Variants in CADPS observed in about 807,000 individuals in gnomAD.
CADPS encodes calcium dependent secretion activator, also known as calcium-dependent secretion activator 1.
CADPS carries 57 observed loss-of-function variants against 167.3 expected under a neutral mutation model. That is an observed-to-expected ratio of 0.34 (90% CI 0.28 to 0.42). The LOEUF is 0.42. Among genes scored for constraint, CADPS ranks in the 20% least tolerant of loss-of-function variants. The pLI, the probability that CADPS is intolerant of heterozygous loss-of-function variation, is 1.00. For missense variants in CADPS, 1,414 were observed against 1,738.1 expected, an observed-to-expected ratio of 0.81 and a Z score of 3.32; for synonymous variants, 676 against 635.3, an observed-to-expected ratio of 1.06 and a Z score of -0.96.
intron 1 of CADPS, among the ~76,000 whole-genome samples, chr3:62,770,743 C>CAAAGT (rs2088440268): frequency 3.3e-5 from 5 of 152,156 alleles, no homozygotes; most frequent in Non-Finnish European, 5.9e-5. Context: ...GAGATTCTCA[C>CAAAGT]AAACTAAACT....
At chr3:62,407,722 A>G (rs760404731) in intron 28 of CADPS, among the ~76,000 whole-genome samples, 21 of 152,022 alleles carry the variant, frequency 1.4e-4, no homozygotes, top group South Asian at 4.1e-4. Context: ...CATCATGGAT[A>G]TACTTTCTTT....
intron 18 of CADPS, among the ~76,000 whole-genome samples, chr3:62,495,191 G>A (rs914031809): frequency 1.3e-5 from 2 of 152,166 alleles, no homozygotes; most frequent in African/African-American, 4.8e-5. Flanking sequence ...TAGGGATCTA[G>A]TGAACCAAGA....
chr3:62,508,590 G>A (rs950736554), intron 17 of CADPS, among the ~76,000 whole-genome samples: 1 of 152,160 alleles, frequency 6.6e-6, no homozygotes, highest in African/African-American at 2.4e-5. Flanking sequence ...AAATCCGGAT[G>A]CATCTTATGT....
intron 1 of CADPS, among the ~76,000 whole-genome samples, chr3:62,869,610 T>C (rs536620693): frequency 1.3e-5 from 2 of 152,218 alleles, no homozygotes; most frequent in South Asian, 2.1e-4. Flanking sequence ...TTCCCCACTT[T>C]AGTACTTCTA....
At chr3:62,719,444 C>T (rs1207453165) in intron 3 of CADPS, among the ~76,000 whole-genome samples, 1 of 152,212 alleles carries the variant, frequency 6.6e-6, no homozygotes, top group African/African-American at 2.4e-5. Context: ...TCACAGAGCT[C>T]TGTTTCTTTC....
chr3:62,593,692 G>A (rs1470139676), intron 6 of CADPS, among the ~76,000 whole-genome samples: 2 of 152,144 alleles, frequency 1.3e-5, no homozygotes, highest in African/African-American at 4.8e-5. Context: ...TCCTCTGTTG[G>A]CAATGTTTCT....
At chr3:62,527,479 C>A (rs142695943) in intron 13 of CADPS, among the ~76,000 whole-genome samples, 1 of 152,002 alleles carries the variant, frequency 6.6e-6, no homozygotes, top group African/African-American at 2.4e-5. Flanking sequence ...GTGGGGATTA[C>A]CCCCAGTAAT....
chr3:62,474,170 T>TTTTTTTTTTTTTTAAA lies in CADPS; in HGVS notation c.3477+2_3477+3insTTTAAAAAAAAAAAAA. 4 of 1,475,380 alleles carry TTTTTTTTTTTTTTAAA rather than the reference T, an allele frequency of 2.7e-6. No individual in the cohort carries two copies. Among genetic ancestry groups the TTTTTTTTTTTTTTAAA allele is most frequent in the Non-Finnish European group, 3.6e-6 (4 of 1,105,872 alleles). The allele number at this position is 1,475,380 out of a possible 1,614,324, so 91.4% of individuals were successfully genotyped here. A position where few individuals can be genotyped will look rare whatever the true frequency, so the allele number is the denominator to read the frequency against. Reference sequence around the variant, plus strand: ...AAATCTGTATTTTTTTTTTTTTTTTTACCTCTTGGCCCATTTCCATGCTGC... The same window carrying TTTTTTTTTTTTTTAAA: ...AAATCTGTATTTTTTTTTTTTTTTTTTTTTTTTTTTTTTAAAACCTCTTGGCCCATTTCCATGCTGC... On this transcript the variant is annotated splice_region_variant and intron_variant, in intron 24 of 29. Transcript: ENST00000383710.
At chr3:62,566,434 T>C (rs1478137673) in intron 9 of CADPS, among the ~76,000 whole-genome samples, 1 of 147,922 alleles carries the variant, frequency 6.8e-6, no homozygotes, top group African/African-American at 2.5e-5. Flanking sequence ...TTCAGCAACC[T>C]GAGACATTTT....
Position 62,421,113 on chromosome 3 carries a change from CA to C in CADPS, c.3777+16990del, listed in dbSNP as rs1166016328. ...GCGTCAGGTCCCCCATTGAAGTGTT[CA>C]GATGGGTCTAGGGCCTGAGCACAGA... On this transcript the variant is annotated intron_variant, in intron 28 of 29. Transcript: ENST00000383710. This position sits in a 1 kb window ranked among gnomAD's most constrained non-coding sequence, Gnocchi z 4.7. Among the ~76,000 whole-genome samples the C allele has an allele frequency of 5.9e-5, 9 of 152,160 alleles. No homozygotes were observed. The highest frequency in any genetic ancestry group is 2.2e-4 in the African/African-American group (9 of 41,438).
intron 6 of CADPS, among the ~76,000 whole-genome samples, chr3:62,632,332 G>A (rs2065434087): frequency 6.6e-6 from 1 of 151,866 alleles, no homozygotes; most frequent in African/African-American, 2.4e-5. Context: ...TAACTTTTTG[G>A]TCAGAAAAAC....
At chr3:62,507,812 G>A (rs1270001489) in intron 17 of CADPS, among the ~76,000 whole-genome samples, 1 of 152,040 alleles carries the variant, frequency 6.6e-6, no homozygotes, top group Non-Finnish European at 1.5e-5. Flanking sequence ...ATTTCAACTT[G>A]GAAGAACATC....
chr3:62,478,545 G>T lies in CADPS; in HGVS notation c.3174-129C>A. 1.2e-6 allele frequency: 1 copy of T among 820,354 alleles called. No homozygotes were observed. The highest frequency in any genetic ancestry group is 1.9e-6 in the Non-Finnish European group (1 of 526,910). The allele number at this position is 820,354 out of a possible 1,614,324, so 50.8% of individuals were successfully genotyped here. On this transcript the variant is annotated intron_variant, in intron 22 of 29. Transcript: ENST00000383710. This position sits in a 1 kb window ranked among gnomAD's most constrained non-coding sequence, Gnocchi z 5.7. ...ACATACAAAACAACGTGTGTTGGCGGTGGAGGCGGGGGCGAGTCTCCACCG... is the reference window on the plus strand; with the variant it reads ...ACATACAAAACAACGTGTGTTGGCGTTGGAGGCGGGGGCGAGTCTCCACCG...
intron 8 of CADPS, among the ~76,000 whole-genome samples, chr3:62,575,330 C>G (rs2082056684): frequency 6.6e-6 from 1 of 152,192 alleles, no homozygotes; most frequent in African/African-American, 2.4e-5. Flanking sequence ...GAATTTATTA[C>G]ACTCATCTGG....
Position 62,650,863 on chromosome 3 carries a change from A to C in CADPS, c.1187T>G (p.Leu396Arg). 1 of 1,613,944 alleles carries C rather than the reference A, an allele frequency of 6.2e-7. No homozygotes were observed. Among genetic ancestry groups the C allele is most frequent in the Non-Finnish European group, 8.5e-7 (1 of 1,179,872 alleles). The change falls in exon 5 of 30, where the codon CTG becomes CGG. Residue 396 changes from leucine to arginine, a missense_variant. Around this residue, in one of 6 missense-constraint regions of CADPS, gnomAD observed 522 missense variants for 559.5 expected, o/e 0.93. Transcript: ENST00000383710. ...GCTTTTTACCTCCAATGAGAAAGAC[A>C]GCACGACATCTGACTTGGAGAGCTG... is the stretch of plus-strand genomic sequence containing the variant. ...ENQLSKSDVV[L>R]SFSLEVVIME...
At chr3:62,497,700 T>C (rs2065054789) in intron 18 of CADPS, among the ~76,000 whole-genome samples, 1 of 152,222 alleles carries the variant, frequency 6.6e-6, no homozygotes, top group Non-Finnish European at 1.5e-5. Context: ...AAAAAATTCT[T>C]CAGTACTCTC....
At chr3:62,475,658 A>G (rs2061227776) in intron 23 of CADPS, among the ~76,000 whole-genome samples, 2 of 149,684 alleles carry the variant, frequency 1.3e-5, no homozygotes, top group Admixed American at 6.7e-5. Context: ...ATATTATATG[A>G]TCATGTTAAA....
intron 3 of CADPS, among the ~76,000 whole-genome samples, chr3:62,685,619 T>C (rs1042231324): frequency 1.4e-5 from 2 of 143,588 alleles, no homozygotes; most frequent in African/African-American, 5.2e-5. Flanking sequence ...TAGTGTTTTA[T>C]AGCAGCGGTC....
intron 1 of CADPS, among the ~76,000 whole-genome samples, chr3:62,822,230 G>T (rs1436246613): frequency 6.6e-6 from 1 of 152,202 alleles, no homozygotes; most frequent in African/African-American, 2.4e-5. Flanking sequence ...AAGCAGAGGG[G>T]ATTATTTAAG....
Sources: allele counts gnomAD v4.1 joint callset (sites outside exome capture counted in the v4.1 genomes callset), GRCh38; gene constraint gnomAD v4.1.1; regional missense constraint gnomAD v4.1.1; non-coding constraint Gnocchi (gnomAD v3.1); transcripts MANE v1.5; gene names NCBI Gene and HGNC (gene_info 2026-07-23, HGNC 2026-07-21).